The following LEPROT variants were observed in gnomAD, a reference collection of about 807,000 sequenced individuals.
LEPROT encodes leptin receptor gene-related protein.
LEPROT carries 3 observed loss-of-function variants against 15.4 expected under a neutral mutation model. The ratio of observed to expected loss-of-function variants is 0.19; its 90% CI spans 0.09 to 0.50. LEPROT has a LOEUF of 0.50. Among genes scored for constraint, LEPROT ranks in the 20% least tolerant of loss-of-function variants. The pLI, the probability that LEPROT is intolerant of heterozygous loss-of-function variation, is 0.97. For missense variants in LEPROT, 137 were observed against 162.2 expected (o/e 0.84, Z 0.84); for synonymous variants, 59 against 57.5 (o/e 1.03, Z -0.12).
rs61779769 is a variant in LEPROT at position 65,428,527 on chromosome 1, C to G, written c.93-1335C>G. Among the ~76,000 whole-genome samples, 387 of 152,326 alleles carry G rather than the reference C, an allele frequency of 2.5e-3. 1 individual carries two copies. Among genetic ancestry groups the G allele is most frequent in the Middle Eastern group, 6.8e-3 (2 of 294 alleles). Reference sequence around the variant, plus strand: ...GTTTAAAATCAGGGGTCCAAATCCACTGTTTCCATCCTGAGTCCTCTTGAA... The same window carrying G: ...GTTTAAAATCAGGGGTCCAAATCCAGTGTTTCCATCCTGAGTCCTCTTGAA... On this transcript the variant is annotated intron_variant, in intron 2 of 3. Transcript: ENST00000371065.
At chr1:65,431,698 T>A in intron 3 of LEPROT, 105 bp from the exon 4 acceptor site, 2 of 1,184,858 alleles carry the variant, frequency 1.7e-6, no homozygotes, top group Non-Finnish European at 2.4e-6. Flanking sequence ...TTAGCAGCTT[T>A]GTGTAACATT....
At chr1:65,421,560 C>T in intron 1 of LEPROT, 1 of 1,342,404 alleles carries the variant, frequency 7.4e-7, no homozygotes, top group Non-Finnish European at 1.0e-6. Flanking sequence ...AAAGATATCC[C>T]CAGTTAACAT....
intron 2 of LEPROT, among the ~76,000 whole-genome samples, chr1:65,426,815 G>A (rs532696225): frequency 6.6e-6 from 1 of 152,182 alleles, no homozygotes; most frequent in East Asian, 1.9e-4. Context: ...TAGGCAACAT[G>A]GTGAAACCCC....
chr1:65,435,513 T>G lies in LEPROT; in HGVS notation c.*3594T>G, dbSNP rs183589068. 3.5e-3 allele frequency: 1,302 copies of G among 375,906 alleles called. 19 individuals carry two copies. In the Admixed American group the frequency reaches 0.047, roughly 14 times the overall value. The allele number at this position is 375,906 out of a possible 1,614,324, so 23.3% of individuals were successfully genotyped here. A position where few individuals can be genotyped will look rare whatever the true frequency, so the allele number is the denominator to read the frequency against. ...CTCCCAAGGAGCTGGGACTACAGGC[T>G]CCCGCCACCACGCCTGGCTAATTTT... is the stretch of plus-strand genomic sequence containing the variant. On this transcript the variant is annotated 3_prime_UTR_variant, in exon 4 of 4. Transcript: ENST00000371065.
rs1646514509 is a variant in LEPROT, at chr1:65,433,339, T to C, written c.*1420T>C. The C allele has an allele frequency of 1.0e-6, 1 of 985,338 alleles. No homozygotes were observed. Among genetic ancestry groups the C allele is most frequent in the African/African-American group, 1.7e-5 (1 of 57,252 alleles). The allele number at this position is 985,338 out of a possible 1,614,324, so 61.0% of individuals were successfully genotyped here. ...TGTAGGTCTTTTCTATATAACTTTA[T>C]GCCACCCTTAAATGAATCATTGGGT... On this transcript the variant is annotated 3_prime_UTR_variant, in exon 4 of 4. Transcript: ENST00000371065.
At chr1:65,428,093 A>C (rs1434272951) in intron 2 of LEPROT, 1 of 152,846 alleles carries the variant, frequency 6.5e-6, no homozygotes, top group Non-Finnish European at 1.5e-5. Context: ...AGTAGTTGAG[A>C]TAGTCTTTAT....
At position 65,434,943 on chromosome 1, in the gene LEPROT, CA is replaced by C; in HGVS notation, c.*3025del. Reference sequence around the variant, plus strand: ...GAATGCCTTGTGATTATCTTCTCCACATCTGAAATTCCTTTTGACACCTGCA... The same window carrying C: ...GAATGCCTTGTGATTATCTTCTCCACTCTGAAATTCCTTTTGACACCTGCA... On this transcript the variant is annotated 3_prime_UTR_variant, in exon 4 of 4. Coordinates refer to ENST00000371065, the MANE Select transcript of LEPROT (RefSeq NM_017526.5). 1.0e-6 allele frequency: 1 copy of C among 985,534 alleles called. No homozygotes were observed. Among genetic ancestry groups the C allele is most frequent in the Non-Finnish European group, 1.2e-6 (1 of 830,016 alleles). 61.0% of individuals were successfully genotyped at this position (985,534 alleles called of 1,614,324 possible).
intron 1 of LEPROT, among the ~76,000 whole-genome samples, 165 bp downstream of exon 1, chr1:65,420,905 G>A (rs1435862815): frequency 2.0e-5 from 3 of 152,222 alleles, no homozygotes; most frequent in African/African-American, 7.2e-5. Flanking sequence ...CCCTTGGGGT[G>A]TGGGTGGAGC....
rs2100249679 is a variant in LEPROT at position 65,435,234 on chromosome 1, G to A, written c.*3315G>A. 3 of 985,278 alleles carry A rather than the reference G, an allele frequency of 3.0e-6. No individual in the cohort carries two copies. Among genetic ancestry groups the A allele is most frequent in the African/African-American group, 3.5e-5 (2 of 57,324 alleles). 61.0% of individuals were successfully genotyped at this position (985,278 alleles called of 1,614,324 possible). ...CATAGATTTTTCTTACTGTCCTAAG[G>A]AAGTCCTTACCTCTGAGGTATCTCC... is the stretch of plus-strand genomic sequence containing the variant. On this transcript the variant is annotated 3_prime_UTR_variant, in exon 4 of 4. Coordinates refer to ENST00000371065, the MANE Select transcript of LEPROT (RefSeq NM_017526.5).
rs1405573053 is a variant in LEPROT, at chr1:65,433,069, C to CGAGCCAGCCCCT, written c.*1152_*1163dup. 1.0e-6 allele frequency: 1 copy of CGAGCCAGCCCCT among 985,240 alleles called. No individual in the cohort carries two copies. Among genetic ancestry groups the CGAGCCAGCCCCT allele is most frequent in the East Asian group, 1.1e-4 (1 of 8,828 alleles). 61.0% of individuals were successfully genotyped at this position (985,240 alleles called of 1,614,324 possible). ...GAGATGCGGGCAGGGAGGCTGGGCTCGAGCCAGCCCCTGCGTTAGCAGGAG... is the reference window on the plus strand; with the variant it reads ...GAGATGCGGGCAGGGAGGCTGGGCTCGAGCCAGCCCCTGAGCCAGCCCCTGCGTTAGCAGGAG... On this transcript the variant is annotated 3_prime_UTR_variant, in exon 4 of 4. Coordinates refer to ENST00000371065, the MANE Select transcript of LEPROT (RefSeq NM_017526.5).
At position 65,435,246 on chromosome 1, in the gene LEPROT, T is replaced by C; in HGVS notation, c.*3327T>C. ...TTACTGTCCTAAGGAAGTCCTTACC[T>C]CTGAGGTATCTCCTCAATGAATACT... On this transcript the variant is annotated 3_prime_UTR_variant, in exon 4 of 4. Transcript: ENST00000371065. 4 of 984,806 alleles carry C rather than the reference T, an allele frequency of 4.1e-6. No homozygotes were observed. The highest frequency in any genetic ancestry group is 4.8e-6 in the Non-Finnish European group (4 of 829,374). 61.0% of individuals were successfully genotyped at this position (984,806 alleles called of 1,614,324 possible).
chr1:65,432,525 TA>T lies in LEPROT; in HGVS notation c.*609del. The T allele has an allele frequency of 1.3e-6, 1 of 770,088 alleles. No individual in the cohort carries two copies. Among genetic ancestry groups the T allele is most frequent in the Non-Finnish European group, 1.6e-6 (1 of 634,254 alleles). The allele number at this position is 770,088 out of a possible 1,614,324, so 47.7% of individuals were successfully genotyped here. A position where few individuals can be genotyped will look rare whatever the true frequency, so the allele number is the denominator to read the frequency against. ...CCAACTTCCTTATCTTTCCAGTGGC[TA>T]AACCACTTAACCTCTCTGGGTGTTA... On this transcript the variant is annotated 3_prime_UTR_variant, in exon 4 of 4. Coordinates refer to ENST00000371065, the MANE Select transcript of LEPROT (RefSeq NM_017526.5).
In LEPROT at chr1:65,434,800, C is replaced by T. The variant is rs1176483615; in HGVS notation, c.*2881C>T. 6 of 985,474 alleles carry T rather than the reference C, an allele frequency of 6.1e-6. No individual in the cohort carries two copies. Among genetic ancestry groups the T allele is most frequent in the Non-Finnish European group, 7.2e-6 (6 of 830,018 alleles). The allele number at this position is 985,474 out of a possible 1,614,324, so 61.0% of individuals were successfully genotyped here. ...CTTCCCACTGGGCTCCATCCTCCCT[C>T]CTGAGGTTCTTCATATTCCAGAGTC... is the stretch of plus-strand genomic sequence containing the variant. On this transcript the variant is annotated 3_prime_UTR_variant, in exon 4 of 4. Coordinates refer to ENST00000371065, the MANE Select transcript of LEPROT (RefSeq NM_017526.5).
chr1:65,433,605 G>A lies in LEPROT; in HGVS notation c.*1686G>A. The A allele has an allele frequency of 2.0e-6, 2 of 985,300 alleles. No individual in the cohort carries two copies. The highest frequency in any genetic ancestry group is 2.4e-6 in the Non-Finnish European group (2 of 829,888). 61.0% of individuals were successfully genotyped at this position (985,300 alleles called of 1,614,324 possible). ...GGAAAATAGAAAGTAATAACTAAAG[G>A]GTTAATGTGCAACGTTATTTTTTGG... On this transcript the variant is annotated 3_prime_UTR_variant, in exon 4 of 4. Transcript: ENST00000371065.
intron 2 of LEPROT, among the ~76,000 whole-genome samples, chr1:65,426,588 G>A (rs1570422070): frequency 6.6e-6 from 1 of 152,248 alleles, no homozygotes; most frequent in Admixed American, 6.5e-5. Flanking sequence ...AAGAAAAGGA[G>A]AGTGAGTTAG....
intron 1 of LEPROT, among the ~76,000 whole-genome samples, chr1:65,424,796 T>C (rs939423326): frequency 6.6e-5 from 10 of 152,160 alleles, no homozygotes; most frequent in African/African-American, 2.4e-4. Context: ...TGTGCTCTAC[T>C]TTCTCTCTTC....
chr1:65,421,343 G>A, intron 1 of LEPROT: 1 of 1,535,672 alleles, frequency 6.5e-7, no homozygotes, highest in Non-Finnish European at 8.7e-7. Flanking sequence ...AAACCAGTGT[G>A]TGTGTAGTAT....
intron 2 of LEPROT, among the ~76,000 whole-genome samples, chr1:65,426,896 G>T (rs1447866297): frequency 6.6e-6 from 1 of 152,174 alleles, no homozygotes; most frequent in Non-Finnish European, 1.5e-5. Context: ...TACTTAGGAG[G>T]CTGAGGCAGG....
rs559903220 is a variant in LEPROT at position 65,431,674 on chromosome 1, CATT to C, written c.280-124_280-122del. ...CTGAACAGTTCATTGTCTCCTGTTA[CATT>C]ATTAAGCCTTTTAGCAGCTTTGTGT... On this transcript the variant is annotated intron_variant, in intron 3 of 3. Coordinates refer to ENST00000371065, the MANE Select transcript of LEPROT (RefSeq NM_017526.5). 321 of 888,916 alleles carry C rather than the reference CATT, an allele frequency of 3.6e-4. 1 individual carries two copies. Among genetic ancestry groups the C allele is most frequent in the Non-Finnish European group, 5.1e-4 (299 of 590,028 alleles). The allele number at this position is 888,916 out of a possible 1,614,324, so 55.1% of individuals were successfully genotyped here. A position where few individuals can be genotyped will look rare whatever the true frequency, so the allele number is the denominator to read the frequency against.
Sources: allele counts gnomAD v4.1 joint callset (sites outside exome capture counted in the v4.1 genomes callset), GRCh38; gene constraint gnomAD v4.1.1; transcripts MANE v1.5; gene names NCBI Gene and HGNC (gene_info 2026-07-23, HGNC 2026-07-21).